The following DNAJC15 variants were observed in gnomAD, a reference collection of about 807,000 sequenced individuals.
DNAJC15 encodes the protein DnaJ heat shock protein family (Hsp40) member C15, also known as dnaJ homolog subfamily C member 15.
Under a neutral mutation model 22.4 loss-of-function variants are expected in DNAJC15, and 27 were observed. The observed-to-expected ratio is 1.20, with a 90% CI of 0.89 to 1.66. The LOEUF (loss-of-function observed/expected upper bound fraction) is 1.66, where lower values mean the gene tolerates loss of function less well. DNAJC15 is among the 40% of genes most tolerant of loss of function. The pLI is 0.00. For synonymous variants in DNAJC15, 79 were observed against 63.2 expected (o/e 1.25, Z -1.19); for missense variants, 208 against 187.1 (o/e 1.11, Z -0.65).
chr13:43,085,797 C>T lies in DNAJC15; in HGVS notation c.341C>T (p.Thr114Ile). 2 of 1,613,428 alleles carry T rather than the reference C, an allele frequency of 1.2e-6. No homozygotes were observed. The highest frequency in any genetic ancestry group is 2.7e-5 in the African/African-American group (2 of 75,016). Reference protein sequence around the residue: ...SPSAGKAKIRTAHRRVMILNH... With the variant: ...SPSAGKAKIRIAHRRVMILNH... ...TCTGCTGGCAAGGCTAAGATTAGAACAGCTCATAGGAGAGTCATGATTTTG... is the reference window on the plus strand; with the variant it reads ...TCTGCTGGCAAGGCTAAGATTAGAATAGCTCATAGGAGAGTCATGATTTTG... Residue 114 changes from threonine to isoleucine, a missense_variant, in exon 5 of 6, where the codon ACA becomes ATA. Physicochemically the swap from Thr to Ile is moderately conservative, Grantham distance 89. Coordinates refer to ENST00000379221, the MANE Select transcript of DNAJC15 (RefSeq NM_013238.3).
chr13:43,082,844 C>CTATATATA lies in DNAJC15; in HGVS notation c.312-2915_312-2908dup, dbSNP rs3043164. Among the ~76,000 whole-genome samples the CTATATATA allele has an allele frequency of 1.3e-4, 16 of 124,536 alleles. No individual in the cohort carries two copies. In the South Asian group the frequency reaches 3.0e-3, roughly 23 times the overall value. The allele number at this position is 124,536 out of a possible 152,430, so 81.7% of individuals were successfully genotyped here. On this transcript the variant is annotated intron_variant, in intron 4 of 5. Transcript: ENST00000379221. Reference sequence around the variant, plus strand: ...TACAATGGTTCAGCAGAACATTCACCTATATATATATATATACACACATAT... The same window carrying CTATATATA: ...TACAATGGTTCAGCAGAACATTCACCTATATATATATATATATATATATACACACATAT...
At chr13:43,023,803 G>A (rs1214147668) in intron 1 of DNAJC15, 69 bp downstream of exon 1, 10 of 1,393,678 alleles carry the variant, frequency 7.2e-6, no homozygotes, top group Non-Finnish European at 9.9e-6. Context: ...CCCCTCTACC[G>A]CCTCACCCTT....
Position 43,097,151 on chromosome 13 carries a change from T to C in DNAJC15, c.383-10027T>C, listed in dbSNP as rs143774952. On this transcript the variant is annotated intron_variant, in intron 5 of 5. Coordinates refer to ENST00000379221, the MANE Select transcript of DNAJC15 (RefSeq NM_013238.3). Reference sequence around the variant, plus strand: ...AAAAAGCAGAGCATGAGGTAGAGAATGGCAGCTGGAGGGGAGGCGGATGCT... The same window carrying C: ...AAAAAGCAGAGCATGAGGTAGAGAACGGCAGCTGGAGGGGAGGCGGATGCT... Among the ~76,000 whole-genome samples the C allele has an allele frequency of 1.2e-3, 180 of 152,330 alleles. 1 individual carries two copies. Among genetic ancestry groups the C allele is most frequent in the Non-Finnish European group, 1.4e-3 (95 of 68,028 alleles).
At chr13:43,032,222 T>C (rs192687000) in intron 1 of DNAJC15, among the ~76,000 whole-genome samples, 7 of 152,290 alleles carry the variant, frequency 4.6e-5, no homozygotes, top group African/African-American at 1.7e-4. Flanking sequence ...CTGACTCTAC[T>C]GGGACCAGCT....
intron 5 of DNAJC15, among the ~76,000 whole-genome samples, chr13:43,102,378 T>C (rs1052674208): frequency 6.6e-6 from 1 of 152,188 alleles, no homozygotes; most frequent in African/African-American, 2.4e-5. Context: ...ACTCTGTGGG[T>C]TGTCTGTTTA....
chr13:43,035,174 G>T (rs764896371), intron 1 of DNAJC15, among the ~76,000 whole-genome samples: 1 of 152,046 alleles, frequency 6.6e-6, no homozygotes, highest in Non-Finnish European at 1.5e-5. Flanking sequence ...TGTTTAGTTT[G>T]GGCTTTATTT....
rs547598241 is a variant in DNAJC15, at chr13:43,110,046, T to C, written c.*2798T>C. On this transcript the variant is annotated 3_prime_UTR_variant, in exon 6 of 6. Coordinates refer to ENST00000379221, the MANE Select transcript of DNAJC15 (RefSeq NM_013238.3). The stretch of plus-strand genomic sequence containing the variant: ...AGTTTCAGTTATGTCCCAGTAATCA[T>C]TTATTTTACCCTCGAATCTGCAATT... 6.6e-6 allele frequency: 1 copy of C among 152,308 alleles called. No individual in the cohort carries two copies. The highest frequency in any genetic ancestry group is 2.1e-4 in the South Asian group (1 of 4,826). 9.4% of individuals were successfully genotyped at this position (152,308 alleles called of 1,614,324 possible).
intron 5 of DNAJC15, among the ~76,000 whole-genome samples, chr13:43,104,374 T>A (rs1214587151): frequency 2.0e-5 from 3 of 152,216 alleles, no homozygotes; most frequent in Non-Finnish European, 4.4e-5. Context: ...TCATAGTGCA[T>A]TTCCGTTATC....
In DNAJC15 at chr13:43,025,905, A is replaced by G. The variant is rs541708605; in HGVS notation, c.108+2171A>G. Among the ~76,000 whole-genome samples, 4 of 152,346 alleles carry G rather than the reference A, an allele frequency of 2.6e-5. No individual in the cohort carries two copies. The South Asian group carries it at 8.3e-4, about 32-fold the overall frequency. Reference sequence around the variant, plus strand: ...GGCGACAGAGCGAGACTTTGTCTCAAAAAAAAGAAAATAACATGTTAACAT... The same window carrying G: ...GGCGACAGAGCGAGACTTTGTCTCAGAAAAAAGAAAATAACATGTTAACAT... On this transcript the variant is annotated intron_variant, in intron 1 of 5. Transcript: ENST00000379221.
intron 5 of DNAJC15, among the ~76,000 whole-genome samples, chr13:43,086,627 A>G (rs913259851): frequency 1.3e-5 from 2 of 152,196 alleles, no homozygotes; most frequent in Non-Finnish European, 2.9e-5. Context: ...ATTACTTACT[A>G]TAAAAGTTTT....
At chr13:43,046,710 A>G (rs756720489) in intron 1 of DNAJC15, among the ~76,000 whole-genome samples, 10 of 152,138 alleles carry the variant, frequency 6.6e-5, no homozygotes, top group Non-Finnish European at 1.0e-4. Flanking sequence ...TTTTCATTCT[A>G]TTAAATCTTG....
At chr13:43,035,826 T>C (rs1400231088) in intron 1 of DNAJC15, among the ~76,000 whole-genome samples, 2 of 152,142 alleles carry the variant, frequency 1.3e-5, no homozygotes, top group African/African-American at 4.8e-5. Context: ...GCTGAAGTGA[T>C]CCTCCCACTT....
intron 1 of DNAJC15, among the ~76,000 whole-genome samples, chr13:43,031,666 T>A (rs2040404474): frequency 6.6e-6 from 1 of 152,238 alleles, no homozygotes; most frequent in African/African-American, 2.4e-5. Context: ...CAGGTATAGA[T>A]CCTGCTAATA....
chr13:43,075,903 C>CA, intron 3 of DNAJC15, among the ~76,000 whole-genome samples: 1 of 152,134 alleles, frequency 6.6e-6, no homozygotes, highest in African/African-American at 2.4e-5. Flanking sequence ...TGAGGTGATC[C>CA]GCCCGCCTCA....
rs1355688401 is a variant in DNAJC15 at position 43,112,253 on chromosome 13, C to T, written c.*5005C>T. On this transcript the variant is annotated 3_prime_UTR_variant, in exon 6 of 6. Transcript: ENST00000379221. ...AAGTAATCTTCATTTCTCTTCCTGC[C>T]ATAATAACCCTTTCCCTCTCTGTTC... The T allele has an allele frequency of 6.6e-6, 1 of 152,210 alleles. No homozygotes were observed. Among genetic ancestry groups the T allele is most frequent in the East Asian group, 1.9e-4 (1 of 5,200 alleles). The allele number at this position is 152,210 out of a possible 1,614,324, so 9.4% of individuals were successfully genotyped here. A position where few individuals can be genotyped will look rare whatever the true frequency, so the allele number is the denominator to read the frequency against.
At chr13:43,049,890 G>A (rs1263461395) in intron 1 of DNAJC15, among the ~76,000 whole-genome samples, 1 of 152,002 alleles carries the variant, frequency 6.6e-6, no homozygotes, top group African/African-American at 2.4e-5. Flanking sequence ...TATTATTCTG[G>A]GCCAGTTAAA....
intron 1 of DNAJC15, among the ~76,000 whole-genome samples, chr13:43,029,559 G>C (rs903608797): frequency 5.3e-5 from 8 of 151,688 alleles, no homozygotes; most frequent in Non-Finnish European, 1.0e-4. Flanking sequence ...AGCTGTAGCA[G>C]CTATGATGGA....
At chr13:43,048,699 T>C (rs2153440161) in intron 1 of DNAJC15, among the ~76,000 whole-genome samples, 1 of 152,342 alleles carries the variant, frequency 6.6e-6, no homozygotes, top group South Asian at 2.1e-4. Context: ...GCTGGACCAG[T>C]TGTAAAAGAA....
At chr13:43,078,893 G>A (rs959946877) in intron 4 of DNAJC15, 13 of 378,634 alleles carry the variant, frequency 3.4e-5, no homozygotes, top group African/African-American at 2.5e-4. Flanking sequence ...CAAAAAAACA[G>A]GCAAAGTTGT....
Sources: allele counts gnomAD v4.1 joint callset (sites outside exome capture counted in the v4.1 genomes callset), GRCh38; gene constraint gnomAD v4.1.1; transcripts MANE v1.5; gene names NCBI Gene and HGNC (gene_info 2026-07-23, HGNC 2026-07-21).